Variants in RBMS3 observed in about 807,000 individuals in gnomAD.
The protein encoded by RBMS3 is RNA binding motif single stranded interacting protein 3, also known as RNA-binding motif, single-stranded-interacting protein 3.
RBMS3 carries 27 observed loss-of-function variants against 66.8 expected under a neutral mutation model. The ratio of observed to expected loss-of-function variants is 0.40; its 90% CI spans 0.30 to 0.56. The LOEUF is 0.56. Ranked by LOEUF, RBMS3 falls within the 20% of genes least tolerant of loss-of-function variation. The pLI, the probability that RBMS3 is intolerant of heterozygous loss-of-function variation, is 0.40. For synonymous variants in RBMS3, 188 were observed against 183.0 expected, an observed-to-expected ratio of 1.03 and a Z score of -0.22; for missense variants, 513 against 549.5, an observed-to-expected ratio of 0.93 and a Z score of 0.66.
intron 2 of RBMS3, among the ~76,000 whole-genome samples, chr3:29,438,758 C>G (rs966504805): frequency 6.6e-6 from 1 of 152,090 alleles, no homozygotes; most frequent in African/African-American, 2.4e-5. Flanking sequence ...GAAATATTTA[C>G]AGATTATATC....
chr3:29,495,173 T>C (rs978276188), intron 3 of RBMS3, among the ~76,000 whole-genome samples: 2 of 152,058 alleles, frequency 1.3e-5, no homozygotes, highest in African/African-American at 4.8e-5. Flanking sequence ...ATGACACTTA[T>C]TTTATAGAGA....
intron 6 of RBMS3, among the ~76,000 whole-genome samples, chr3:29,787,870 ATATT>A (rs1170348538): frequency 6.6e-6 from 1 of 152,170 alleles, no homozygotes; most frequent in Non-Finnish European, 1.5e-5. Flanking sequence ...GTAAAATAAA[ATATT>A]TAGCCATTTA....
At chr3:29,620,054 G>C (rs886860277) in intron 4 of RBMS3, among the ~76,000 whole-genome samples, 1 of 152,100 alleles carries the variant, frequency 6.6e-6, no homozygotes, top group Admixed American at 6.5e-5. Flanking sequence ...TTTGAATCCT[G>C]AGAAAATATT....
intron 4 of RBMS3, among the ~76,000 whole-genome samples, chr3:29,658,346 G>A (rs555805454): frequency 2.6e-5 from 4 of 152,296 alleles, no homozygotes; most frequent in Admixed American, 2.6e-4. Context: ...TGAGTGTCAT[G>A]TTAATATGGC....
At chr3:29,684,085 A>C (rs1035819497) in intron 4 of RBMS3, among the ~76,000 whole-genome samples, 1 of 152,330 alleles carries the variant, frequency 6.6e-6, no homozygotes, top group South Asian at 2.1e-4. Flanking sequence ...ATATGTTATA[A>C]GTACAGTTCA....
Position 29,539,611 on chromosome 3 carries a change from C to T in RBMS3, c.308-47503C>T, listed in dbSNP as rs76573984. Among the ~76,000 whole-genome samples, 578 of 152,258 alleles carry T rather than the reference C, an allele frequency of 3.8e-3. 7 individuals carry two copies. Among genetic ancestry groups the T allele is most frequent in the African/African-American group, 0.013 (521 of 41,542 alleles). ...TCTGGTCATCCAGGTATCAAGTACC[C>T]GAGTTTTTAATACATGAACTCTGAG... On this transcript the variant is annotated intron_variant, in intron 3 of 14. Transcript: ENST00000383767.
At chr3:29,993,325 G>GGGTT (rs3072702) in intron 14 of RBMS3, among the ~76,000 whole-genome samples, 23,482 of 150,158 alleles carry the variant, frequency 0.16, 1,974 homozygotes, top group Middle Eastern at 0.22. Context: ...CCTGGTCAAC[G>GGGTT]GGTTATATGT....
chr3:29,547,383 T>C (rs773087685), intron 3 of RBMS3, among the ~76,000 whole-genome samples: 9 of 152,196 alleles, frequency 5.9e-5, no homozygotes, highest in Non-Finnish European at 1.2e-4. Flanking sequence ...TTGTAGGTAG[T>C]AACTTGCTTC....
chr3:29,867,539 G>A (rs1297190052), intron 6 of RBMS3, among the ~76,000 whole-genome samples: 1 of 144,310 alleles, frequency 6.9e-6, no homozygotes, highest in African/African-American at 2.6e-5. Context: ...GCATGTTAAG[G>A]ATGACGTACC....
chr3:29,678,538 A>G (rs1179087217), intron 4 of RBMS3, among the ~76,000 whole-genome samples: 1 of 152,152 alleles, frequency 6.6e-6, no homozygotes, highest in Admixed American at 6.5e-5. Context: ...CTTTAGTTGC[A>G]TCAGTAGTAA....
At position 29,996,197 on chromosome 3, in the gene RBMS3, C is replaced by A. The variant is rs1329722248; in HGVS notation, c.1307+4988C>A. Among the ~76,000 whole-genome samples the A allele has an allele frequency of 4.8e-3, 718 of 150,030 alleles. 2 individuals are homozygous for A. Among genetic ancestry groups the A allele is most frequent in the African/African-American group, 0.017 (685 of 41,086 alleles). On this transcript the variant is annotated intron_variant, in intron 14 of 14. Transcript: ENST00000383767. ...GGCCATTACATAATGGTAAAGGGAT[C>A]AATTCAACAAGAAGAGCTAACTATC...
At chr3:29,487,712 CA>C (rs1411762185) in intron 2 of RBMS3, among the ~76,000 whole-genome samples, 5 of 152,052 alleles carry the variant, frequency 3.3e-5, no homozygotes, top group Non-Finnish European at 7.4e-5. Flanking sequence ...ATAAAGAAGA[CA>C]ATATTATCCT....
At position 29,836,279 on chromosome 3, in the gene RBMS3, C is replaced by G. The variant is rs2058505994; in HGVS notation, c.638-32579C>G. Among the ~76,000 whole-genome samples, 3 of 152,012 alleles carry G rather than the reference C, an allele frequency of 2.0e-5. No individual in the cohort carries two copies. The South Asian group carries it at 6.2e-4, about 31-fold the overall frequency. On this transcript the variant is annotated intron_variant, in intron 6 of 14. Coordinates refer to ENST00000383767, the MANE Select transcript of RBMS3 (RefSeq NM_001003793.3). ...AACTCATTTTACTAGGCTGGCATTA[C>G]TCTAATAAAGCCAGACAAGGACACC...
intron 4 of RBMS3, among the ~76,000 whole-genome samples, chr3:29,729,732 T>G (rs1249335047): frequency 6.6e-6 from 1 of 152,166 alleles, no homozygotes; most frequent in African/African-American, 2.4e-5. Flanking sequence ...ATTTCTCTGA[T>G]GACTAATAAT....
intron 7 of RBMS3, among the ~76,000 whole-genome samples, chr3:29,875,901 T>C (rs2059600959): frequency 6.6e-6 from 1 of 152,158 alleles, no homozygotes; most frequent in Admixed American, 6.5e-5. Flanking sequence ...TTCTGCCTGA[T>C]AGCACTACGT....
At chr3:29,605,197 A>G (rs17023915) in intron 4 of RBMS3, among the ~76,000 whole-genome samples, 22,239 of 151,742 alleles carry the variant, frequency 0.15, 1,878 homozygotes, top group East Asian at 0.32. Context: ...GGATTAAAGG[A>G]AGCCACTGTG....
At chr3:29,456,731 T>C (rs34654843) in intron 2 of RBMS3, among the ~76,000 whole-genome samples, 36,515 of 151,968 alleles carry the variant, frequency 0.24, 4,590 homozygotes, top group Non-Finnish European at 0.28. Context: ...ACTAAAAAAA[T>C]TAAACTCTCA....
At chr3:29,611,771 TA>T (rs893580842) in intron 4 of RBMS3, among the ~76,000 whole-genome samples, 3 of 151,208 alleles carry the variant, frequency 2.0e-5, no homozygotes, top group Non-Finnish European at 3.0e-5. Flanking sequence ...TTTCCAATGT[TA>T]AAAAAAAACT....
chr3:29,564,927 C>T (rs1466973611), intron 3 of RBMS3, among the ~76,000 whole-genome samples: 2 of 152,110 alleles, frequency 1.3e-5, no homozygotes, highest in Non-Finnish European at 2.9e-5. Context: ...CAAAATATTT[C>T]ATCGAAGCTG....
Sources: gnomAD v4.1 joint callset for allele counts (sites outside exome capture counted in the v4.1 genomes callset) on GRCh38, gnomAD v4.1.1 for gene constraint, MANE v1.5 for transcripts, NCBI Gene and HGNC (gene_info 2026-07-23, HGNC 2026-07-21) for gene names.